MYL4: variants seen among roughly 807,000 people sequenced by gnomAD.
MYL4 encodes the protein atrial myosin light chain 1.
A neutral mutation model predicts 21.6 loss-of-function variants in MYL4; 16 were observed. The ratio of observed to expected loss-of-function variants is 0.74; its 90% CI spans 0.50 to 1.12. The LOEUF is 1.12. Among genes scored for constraint, MYL4 ranks in the 50% most tolerant of loss-of-function variants. The pLI, the probability that MYL4 is intolerant of heterozygous loss-of-function variation, is 0.00. For synonymous variants in MYL4, 82 were observed against 95.7 expected (o/e 0.86, Z 0.83); for missense variants, 249 against 252.9 (o/e 0.98, Z 0.11).
intron 2 of MYL4, 72 bp downstream of exon 2, chr17:47,213,898 A>C: frequency 1.3e-6 from 2 of 1,516,236 alleles, no homozygotes; most frequent in Non-Finnish European, 9.2e-7. Context: ...GAGGAAGAAG[A>C]GGAGGAGTAG....
upstream of MYL4, chr17:47,208,909 G>A (rs1282939894): frequency 5.9e-6 from 1 of 169,374 alleles, no homozygotes; most frequent in Non-Finnish European, 1.3e-5. Context: ...TGGGCCTCTA[G>A]GCAGAGCTGA....
At chr17:47,221,921 A>G in intron 4 of MYL4, 66 bp downstream of exon 4, 3 of 1,551,100 alleles carry the variant, frequency 1.9e-6, no homozygotes, top group Non-Finnish European at 2.6e-6. Flanking sequence ...TGCCAAGGTG[A>G]CATATGCTGG....
upstream of MYL4, among the ~76,000 whole-genome samples, chr17:47,199,664 G>T (rs376486201): frequency 6.3e-5 from 7 of 110,966 alleles, no homozygotes; most frequent in African/African-American, 2.6e-4. Flanking sequence ...GCTTCTTGGA[G>T]ACCCTGTCTC....
chr17:47,207,318 A>G (rs73327190), upstream of MYL4, among the ~76,000 whole-genome samples: 2,459 of 152,312 alleles, frequency 0.016, 54 homozygotes, highest in African/African-American at 0.056. Flanking sequence ...ACTGCACCCC[A>G]GGAAACAGAA....
downstream of MYL4, among the ~76,000 whole-genome samples, chr17:47,225,378 CA>C (rs1268782847): frequency 6.6e-6 from 1 of 152,170 alleles, no homozygotes; most frequent in Non-Finnish European, 1.5e-5. Context: ...CAGTGGTTCT[CA>C]AACTTTGGTT....
At chr17:47,189,603 G>A in the MYL4 span, among the ~76,000 whole-genome samples, 3 of 152,270 alleles carry the variant, frequency 2.0e-5, no homozygotes, top group African/African-American at 7.2e-5. Flanking sequence ...GTAGCGTTAC[G>A]TGGCGGGGCT....
intron 1 of MYL4, among the ~76,000 whole-genome samples, chr17:47,202,845 T>C (rs2064714539): frequency 6.6e-6 from 1 of 152,222 alleles, no homozygotes; most frequent in African/African-American, 2.4e-5. Context: ...ATTGAAATAA[T>C]GTATATTGAT....
chr17:47,206,325 G>T (rs1397377985), upstream of MYL4, among the ~76,000 whole-genome samples: 1 of 152,102 alleles, frequency 6.6e-6, no homozygotes, highest in African/African-American at 2.4e-5. Context: ...AAAGAAAGGG[G>T]AGTGGGGTGG....
intron 1 of MYL4, chr17:47,209,806 G>A: frequency 1.7e-6 from 1 of 585,850 alleles, no homozygotes. Context: ...CCCTAGATTT[G>A]TGCAGCTAAG....
intron 1 of MYL4, among the ~76,000 whole-genome samples, chr17:47,212,204 G>A (rs191846769): frequency 9.9e-5 from 15 of 152,158 alleles, no homozygotes; most frequent in East Asian, 3.9e-4. Flanking sequence ...TGACAAGTGC[G>A]AAACTCCATC....
intron 1 of MYL4, among the ~76,000 whole-genome samples, chr17:47,201,540 C>T (rs140292857): frequency 1.2e-3 from 189 of 152,092 alleles, no homozygotes; most frequent in Non-Finnish European, 1.6e-3. Context: ...CTGCAACCTC[C>T]GCCTCTCCCA....
At chr17:47,190,409 G>GAAAA in the MYL4 span, among the ~76,000 whole-genome samples, 15 of 152,056 alleles carry the variant, frequency 9.9e-5, no homozygotes, top group African/African-American at 2.7e-4. Flanking sequence ...GTGAACCAGG[G>GAAAA]GACTGTTTAA....
At chr17:47,199,052 G>A (rs1189130715), upstream of MYL4, among the ~76,000 whole-genome samples, 11 of 150,474 alleles carry the variant, frequency 7.3e-5, no homozygotes, top group South Asian at 1.5e-3. Flanking sequence ...GGCTAACAAG[G>A]TGAAACCCCG....
At chr17:47,224,883 A>G (rs750759063), downstream of MYL4, among the ~76,000 whole-genome samples, 5 of 152,154 alleles carry the variant, frequency 3.3e-5, no homozygotes, top group Non-Finnish European at 7.3e-5. Flanking sequence ...TCAGGCTGAG[A>G]GAGGAGGAGA....
intron 1 of MYL4, among the ~76,000 whole-genome samples, chr17:47,213,390 G>A (rs2064790106): frequency 6.6e-6 from 1 of 151,656 alleles, no homozygotes; most frequent in Admixed American, 6.6e-5. Flanking sequence ...CCTATATAAA[G>A]TTTGCATATT....
chr17:47,208,101 G>A (rs985216480), upstream of MYL4, among the ~76,000 whole-genome samples: 1 of 152,154 alleles, frequency 6.6e-6, no homozygotes, highest in Non-Finnish European at 1.5e-5. Context: ...ATCTCCCCAT[G>A]TGTAAAGTGA....
chr17:47,209,066 C>CAAGTCAGCTCA (rs1455664963), upstream of MYL4: 1 of 378,806 alleles, frequency 2.6e-6, no homozygotes, highest in African/African-American at 2.1e-5. Flanking sequence ...GCTCATCTCT[C>CAAGTCAGCTCA]TGGCTGCTCC....
the MYL4 span, among the ~76,000 whole-genome samples, chr17:47,190,054 A>C: frequency 6.6e-6 from 1 of 152,194 alleles, no homozygotes; most frequent in Non-Finnish European, 1.5e-5. Flanking sequence ...AGGGAGGAAA[A>C]ATGGGATCAG....
At chr17:47,204,312 C>T (rs1185557125), upstream of MYL4, among the ~76,000 whole-genome samples, 1 of 152,168 alleles carries the variant, frequency 6.6e-6, no homozygotes, top group Admixed American at 6.5e-5. Flanking sequence ...AAACAAGGTC[C>T]TCTCCTTCAC....
Sources: gnomAD v4.1 joint callset for allele counts (sites outside exome capture counted in the v4.1 genomes callset) on GRCh38, gnomAD v4.1.1 for gene constraint, MANE v1.5 for transcripts, NCBI Gene and HGNC (gene_info 2026-07-23, HGNC 2026-07-21) for gene names.